The following GTF2IRD2B variants were observed in gnomAD, a reference collection of about 807,000 sequenced individuals.
GTF2IRD2B encodes the protein general transcription factor II-I repeat domain-containing protein 2B.
A neutral mutation model predicts 55.6 loss-of-function variants in GTF2IRD2B; 10 were observed. That is an observed-to-expected ratio of 0.18 (90% CI 0.11 to 0.31). GTF2IRD2B has a LOEUF of 0.31. Among genes scored for constraint, GTF2IRD2B ranks in the 10% least tolerant of loss-of-function variants. The probability of loss-of-function intolerance (pLI) is 1.00; values close to 1 mark genes in which losing one functional copy is unlikely to be tolerated. For synonymous variants in GTF2IRD2B, 107 were observed against 320.5 expected (o/e 0.33, Z 7.12); for missense variants, 206 against 802.7 (o/e 0.26, Z 8.98).
intron 3 of GTF2IRD2B, among the ~76,000 whole-genome samples, chr7:75,115,909 CTTTTCTTTCTTTTTT>C (rs1808132976): frequency 7.8e-6 from 1 of 128,482 alleles, no homozygotes; most frequent in African/African-American, 3.0e-5. Flanking sequence ...TCTTTAATTT[CTTTTCTTTCTTTTTT>C]TTTTTTTTTT....
At chr7:75,128,901 GAA>G (rs1554452680) in intron 8 of GTF2IRD2B, among the ~76,000 whole-genome samples, 2 of 87,002 alleles carry the variant, frequency 2.3e-5, no homozygotes, top group East Asian at 3.4e-4. Flanking sequence ...AAAAAGGAAA[GAA>G]AGAAAGTTCT....
intron 4 of GTF2IRD2B, among the ~76,000 whole-genome samples, chr7:75,122,301 T>TA (rs1394884880): frequency 2.9e-5 from 4 of 139,656 alleles, no homozygotes; most frequent in South Asian, 4.3e-4. Flanking sequence ...GATGGGAATT[T>TA]AAAAAAAAAA....
intron 1 of GTF2IRD2B, among the ~76,000 whole-genome samples, chr7:75,105,057 T>C (rs1435368942): frequency 6.6e-4 from 100 of 152,338 alleles, no homozygotes; most frequent in African/African-American, 2.2e-3. Context: ...GTTAGCCAGG[T>C]GTGGTGGCAT....
chr7:75,092,759 C>T lies in GTF2IRD2B; in HGVS notation c.-12C>T, dbSNP rs1205059098. ...GCGGCCGGCCCGGCGCGGCCCAGCG[C>T]CCTCAGGTGCGTACCCCGCCCCCGC... On this transcript the variant is annotated 5_prime_UTR_variant, in exon 1 of 16. Transcript: ENST00000472837. 1 of 153,294 alleles carries T rather than the reference C, an allele frequency of 6.5e-6. No individual in the cohort carries two copies. Among genetic ancestry groups the T allele is most frequent in the Non-Finnish European group, 1.5e-5 (1 of 68,254 alleles). 9.5% of individuals were successfully genotyped at this position (153,294 alleles called of 1,614,324 possible).
intron 6 of GTF2IRD2B, chr7:75,123,812 A>C (rs1206660194): frequency 2.4e-6 from 1 of 409,260 alleles, no homozygotes; most frequent in Non-Finnish European, 4.6e-6. Context: ...CGGGAGGTGG[A>C]GCTTGCAGTG....
intron 1 of GTF2IRD2B, among the ~76,000 whole-genome samples, chr7:75,108,473 A>G (rs1347969158): frequency 6.5e-5 from 2 of 30,916 alleles, no homozygotes; most frequent in Non-Finnish European, 1.3e-4. Context: ...AAAGAGAGTT[A>G]GCAGGGTTGG....
intron 1 of GTF2IRD2B, among the ~76,000 whole-genome samples, chr7:75,103,290 A>G (rs1807642617): frequency 6.6e-6 from 1 of 151,728 alleles, no homozygotes; most frequent in Admixed American, 6.6e-5. Flanking sequence ...AAAAATACAT[A>G]TAAAAATAAA....
At chr7:75,104,745 G>T (rs1460116775) in intron 1 of GTF2IRD2B, among the ~76,000 whole-genome samples, 1 of 152,284 alleles carries the variant, frequency 6.6e-6, no homozygotes, top group Non-Finnish European at 1.5e-5. Context: ...TTGGTGAGTG[G>T]AATCTAGAAT....
In GTF2IRD2B at chr7:75,113,614, G is replaced by C. The variant is rs1275460043; in HGVS notation, c.238+1079G>C. 2.0e-5 allele frequency among the ~76,000 whole-genome samples: 3 copies of C among 148,604 alleles called. No individual in the cohort carries two copies. In the Admixed American group the frequency reaches 2.0e-4, roughly 10 times the overall value. On this transcript the variant is annotated intron_variant, in intron 3 of 15. Coordinates refer to ENST00000472837, the MANE Select transcript of GTF2IRD2B (RefSeq NM_001003795.3). ...CCACTGCACTCCAGTCTGGACCATA[G>C]AGCGAGACCCGGTCTCAAGACAAAA...
At chr7:75,105,876 T>G (rs1807783637) in intron 1 of GTF2IRD2B, among the ~76,000 whole-genome samples, 1 of 152,312 alleles carries the variant, frequency 6.6e-6, no homozygotes, top group African/African-American at 2.4e-5. Flanking sequence ...TCACGTTGTC[T>G]GCGATCTGGA....
intron 10 of GTF2IRD2B, among the ~76,000 whole-genome samples, chr7:75,136,413 T>C (rs1554534548): frequency 6.8e-6 from 1 of 146,350 alleles, no homozygotes; most frequent in East Asian, 2.0e-4. Flanking sequence ...CAATTCTCCC[T>C]CCTCAGCCTC....
At chr7:75,117,759 G>C (rs1554451507) in intron 3 of GTF2IRD2B, among the ~76,000 whole-genome samples, 1 of 152,274 alleles carries the variant, frequency 6.6e-6, no homozygotes, top group African/African-American at 2.4e-5. Flanking sequence ...TTTTACATTG[G>C]CCTTTTTTCT....
Position 75,123,738 on chromosome 7 carries a change from C to T in GTF2IRD2B, c.571+222C>T, listed in dbSNP as rs1180425084. 14 of 651,428 alleles carry T rather than the reference C, an allele frequency of 2.1e-5. No individual in the cohort carries two copies. The Middle Eastern group carries it at 1.3e-3, about 61-fold the overall frequency. The allele number at this position is 651,428 out of a possible 1,614,324, so 40.4% of individuals were successfully genotyped here. A position where few individuals can be genotyped will look rare whatever the true frequency, so the allele number is the denominator to read the frequency against. ...AAAATACGAAAAAAAATTAGCCGGG[C>T]GTGGTGGCGGGCGCCTGTAGTCCCA... On this transcript the variant is annotated intron_variant, in intron 6 of 15. Transcript: ENST00000472837.
intron 3 of GTF2IRD2B, among the ~76,000 whole-genome samples, chr7:75,114,164 G>A (rs1477325860): frequency 4.6e-5 from 7 of 150,618 alleles, no homozygotes; most frequent in African/African-American, 1.5e-4. Flanking sequence ...ATTTACTTCC[G>A]AGATCCCAAA....
At chr7:75,130,480 A>G (rs1449965318) in intron 8 of GTF2IRD2B, among the ~76,000 whole-genome samples, 2 of 142,040 alleles carry the variant, frequency 1.4e-5, no homozygotes, top group Non-Finnish European at 3.1e-5. Flanking sequence ...CACCAGGCCA[A>G]TTTTTTTTTC....
intron 1 of GTF2IRD2B, among the ~76,000 whole-genome samples, chr7:75,105,333 G>A (rs1277758622): frequency 9.8e-5 from 15 of 152,296 alleles, no homozygotes; most frequent in Admixed American, 1.3e-4. Context: ...GTGTAACCCC[G>A]TCTCCACCAA....
At chr7:75,116,880 A>G (rs1808177181) in intron 3 of GTF2IRD2B, among the ~76,000 whole-genome samples, 2 of 151,336 alleles carry the variant, frequency 1.3e-5, no homozygotes, top group South Asian at 4.2e-4. Context: ...CCTGACCTCA[A>G]GTGATCTGCC....
intron 1 of GTF2IRD2B, among the ~76,000 whole-genome samples, chr7:75,104,780 C>CT (rs1239241503): frequency 2.0e-5 from 3 of 152,394 alleles, no homozygotes; most frequent in East Asian, 3.8e-4. Context: ...TTTCTAGGAC[C>CT]TACGCGTCTC....
chr7:75,102,918 C>G (rs587605091), intron 1 of GTF2IRD2B, among the ~76,000 whole-genome samples: 807 of 151,466 alleles, frequency 5.3e-3, no homozygotes, highest in African/African-American at 0.018. Flanking sequence ...AAGATCATGC[C>G]ATTTCACTCC....
Sources: gnomAD v4.1 joint callset for allele counts (sites outside exome capture counted in the v4.1 genomes callset) on GRCh38, gnomAD v4.1.1 for gene constraint, MANE v1.5 for transcripts, NCBI Gene and HGNC (gene_info 2026-07-23, HGNC 2026-07-21) for gene names.